The following GLDN variants were observed in gnomAD, a reference collection of about 807,000 sequenced individuals.
GLDN encodes the protein gliomedin.
GLDN carries 47 observed loss-of-function variants against 56.5 expected under a neutral mutation model. The observed-to-expected ratio is 0.83, with a 90% CI of 0.66 to 1.06. GLDN has a LOEUF of 1.06. Ranked by LOEUF, GLDN falls within the 50% of genes least tolerant of loss-of-function variation. The pLI is 0.00. For missense variants in GLDN, 782 were observed against 714.3 expected (o/e 1.09, Z -1.08); for synonymous variants, 332 against 278.8 (o/e 1.19, Z -1.90).
At chr15:51,402,294 C>A (rs1468314687) in intron 9 of GLDN, among the ~76,000 whole-genome samples, 1 of 152,216 alleles carries the variant, frequency 6.6e-6, no homozygotes, top group Non-Finnish European at 1.5e-5. Flanking sequence ...CTGCCCAAGG[C>A]AGCCGCTGAG....
At chr15:51,408,153 T>A (rs1300215453), downstream of GLDN, 6 of 152,218 alleles carry the variant, frequency 3.9e-5, no homozygotes, top group Non-Finnish European at 5.9e-5. Flanking sequence ...AATACAGTAC[T>A]GAAAAATTGT....
At chr15:51,372,461 A>T (rs750654266) in intron 1 of GLDN, among the ~76,000 whole-genome samples, 28 of 151,608 alleles carry the variant, frequency 1.8e-4, no homozygotes, top group Middle Eastern at 3.4e-3. Context: ...GATAATTCTC[A>T]CTCCTCAGTG....
downstream of GLDN, among the ~76,000 whole-genome samples, chr15:51,410,208 C>T (rs1008035613): frequency 2.6e-5 from 4 of 152,210 alleles, no homozygotes; most frequent in African/African-American, 9.6e-5. Context: ...TAGATATCAC[C>T]CCTTCCCTCT....
chr15:51,389,109 G>A (rs965159222), intron 4 of GLDN, among the ~76,000 whole-genome samples: 3 of 152,200 alleles, frequency 2.0e-5, no homozygotes, highest in Non-Finnish European at 2.9e-5. Context: ...TGAGGCCCTG[G>A]GCAAGTCACT....
Position 51,404,721 on chromosome 15 carries a change from T to C in GLDN, c.1623T>C (p.Pro541=). Residue 541 remains proline (P), a synonymous_variant, in exon 10 of 10, where the codon CCT becomes CCC. Transcript: ENST00000335449. ...AAGATGGCCATTTAATGCTTTATCCTGTGCAGTTTTTGTCAACTACCTTAA... is the reference window on the plus strand; with the variant it reads ...AAGATGGCCATTTAATGCTTTATCCCGTGCAGTTTTTGTCAACTACCTTAA... ...SWEDGHLMLY[P]VQFLSTTLNQ 6.2e-7 allele frequency: 1 copy of C among 1,605,552 alleles called. No homozygotes were observed. The highest frequency in any genetic ancestry group is 1.3e-5 in the African/African-American group (1 of 74,836).
At chr15:51,400,954 G>A (rs915792484) in intron 8 of GLDN, among the ~76,000 whole-genome samples, 5 of 152,172 alleles carry the variant, frequency 3.3e-5, no homozygotes, top group Admixed American at 3.3e-4. Flanking sequence ...GTTCCACCTT[G>A]CAGTCACACT....
chr15:51,379,575 G>T (rs2037710999), intron 2 of GLDN, among the ~76,000 whole-genome samples: 1 of 152,166 alleles, frequency 6.6e-6, no homozygotes, highest in Non-Finnish European at 1.5e-5. Context: ...AGCACTAATT[G>T]ACTGGAACTG....
At chr15:51,387,002 A>T (rs1457116408) in intron 4 of GLDN, among the ~76,000 whole-genome samples, 1 of 152,114 alleles carries the variant, frequency 6.6e-6, no homozygotes, top group South Asian at 2.1e-4. Flanking sequence ...TAGTCAAAAG[A>T]GGCCTGGGGT....
In GLDN at chr15:51,386,119, A is replaced by G. The variant is rs140121921; in HGVS notation, c.541+2227A>G. 5.4e-3 allele frequency among the ~76,000 whole-genome samples: 817 copies of G among 152,278 alleles called. 4 individuals carry two copies. The highest frequency in any genetic ancestry group is 0.019 in the African/African-American group (783 of 41,558). On this transcript the variant is annotated intron_variant, in intron 4 of 9. Coordinates refer to ENST00000335449, the MANE Select transcript of GLDN (RefSeq NM_181789.4). ...ATCCTTGGTTTCTGGGAGATCTCAT[A>G]GGAACTGCAGCAAAGACACCCTTCT...
chr15:51,395,252 G>A (rs1382451733), intron 5 of GLDN, among the ~76,000 whole-genome samples: 1 of 152,188 alleles, frequency 6.6e-6, no homozygotes, highest in African/African-American at 2.4e-5. Context: ...TCTTTTCCAA[G>A]ATATATTGAA....
In GLDN at chr15:51,380,757, G is replaced by A. The variant is rs760534902; in HGVS notation, c.416-2679G>A. On this transcript the variant is annotated intron_variant, in intron 2 of 9. Coordinates refer to ENST00000335449, the MANE Select transcript of GLDN (RefSeq NM_181789.4). ...TTCTCTCACTTGCCTCTCCCCAGGT[G>A]GGGTGTGGCCCTCCCGCTCTTCCAT... is the stretch of plus-strand genomic sequence containing the variant. 1.2e-3 allele frequency among the ~76,000 whole-genome samples: 177 copies of A among 152,026 alleles called. 2 individuals are homozygous for A. The highest frequency in any genetic ancestry group is 2.1e-3 in the Non-Finnish European group (144 of 67,996).
At chr15:51,398,775 G>A (rs1340902910) in intron 6 of GLDN, among the ~76,000 whole-genome samples, 3 of 152,132 alleles carry the variant, frequency 2.0e-5, no homozygotes, top group African/African-American at 7.2e-5. Flanking sequence ...CATTAGCATC[G>A]GCCCTTTGCT....
In GLDN at chr15:51,390,714, G is replaced by C. The variant is rs375214126; in HGVS notation, c.542-4121G>C. Among the ~76,000 whole-genome samples the C allele has an allele frequency of 3.3e-5, 5 of 151,996 alleles. No homozygotes were observed. The East Asian group carries it at 5.8e-4, about 18-fold the overall frequency. ...GAAGATGAGAGTTGACCTCAACCCC[G>C]AGATATCACACAACTCCAAACTCAA... is the stretch of plus-strand genomic sequence containing the variant. On this transcript the variant is annotated intron_variant, in intron 4 of 9. Coordinates refer to ENST00000335449, the MANE Select transcript of GLDN (RefSeq NM_181789.4).
At chr15:51,398,615 G>A (rs535483684) in intron 6 of GLDN, among the ~76,000 whole-genome samples, 14 of 152,302 alleles carry the variant, frequency 9.2e-5, no homozygotes, top group East Asian at 1.9e-4. Flanking sequence ...GTTTGGGGGC[G>A]CACGGTCAGC....
downstream of GLDN, among the ~76,000 whole-genome samples, chr15:51,411,299 A>C (rs2038462842): frequency 6.6e-6 from 1 of 152,350 alleles, no homozygotes; most frequent in African/African-American, 2.4e-5. Context: ...CTGTACTTAA[A>C]GATCAGAGTT....
At chr15:51,393,628 T>A (rs937668971) in intron 4 of GLDN, among the ~76,000 whole-genome samples, 8 of 152,206 alleles carry the variant, frequency 5.3e-5, no homozygotes, top group Non-Finnish European at 1.2e-4. Flanking sequence ...CTCTTCTATC[T>A]TGCAAATTCT....
At chr15:51,386,197 G>A (rs1010248785) in intron 4 of GLDN, among the ~76,000 whole-genome samples, 4 of 152,242 alleles carry the variant, frequency 2.6e-5, no homozygotes, top group South Asian at 4.2e-4. Context: ...GCATTAGACC[G>A]CGAAGCCTCC....
At chr15:51,355,915 T>C (rs1041117793) in intron 1 of GLDN, among the ~76,000 whole-genome samples, 2 of 147,908 alleles carry the variant, frequency 1.4e-5, no homozygotes, top group African/African-American at 4.9e-5. Context: ...TGACTTAGAA[T>C]ACCTAACCTC....
downstream of GLDN, among the ~76,000 whole-genome samples, chr15:51,412,867 T>C (rs1449885972): frequency 1.3e-5 from 2 of 152,170 alleles, no homozygotes; most frequent in Non-Finnish European, 2.9e-5. Context: ...AGTGATATAG[T>C]TGCAACAGAA....
Sources: allele counts gnomAD v4.1 joint callset (sites outside exome capture counted in the v4.1 genomes callset), GRCh38; gene constraint gnomAD v4.1.1; transcripts MANE v1.5; gene names NCBI Gene and HGNC (gene_info 2026-07-23, HGNC 2026-07-21).